The following CATSPERE variants were observed in gnomAD, a reference collection of about 807,000 sequenced individuals.
CATSPERE encodes catsper channel auxiliary subunit epsilon.
A neutral mutation model predicts 114.1 loss-of-function variants in CATSPERE; 93 were observed. That is an observed-to-expected ratio of 0.81 (90% CI 0.69 to 0.97). CATSPERE has a LOEUF of 0.97. CATSPERE is among the 50% of genes least tolerant of loss of function. The pLI is 0.00. For missense variants in CATSPERE, 1,058 were observed against 1,131.6 expected, an observed-to-expected ratio of 0.93 and a Z score of 0.93; for synonymous variants, 341 against 384.1, an observed-to-expected ratio of 0.89 and a Z score of 1.31.
At chr1:244,592,977 C>G (rs989286363) in intron 15 of CATSPERE, among the ~76,000 whole-genome samples, 8 of 128,100 alleles carry the variant, frequency 6.2e-5, no homozygotes, top group African/African-American at 2.1e-4. Flanking sequence ...CGTGAGAAAT[C>G]TAAATTAGGA....
At chr1:244,505,608 T>G (rs1674698891) in intron 7 of CATSPERE, among the ~76,000 whole-genome samples, 1 of 152,114 alleles carries the variant, frequency 6.6e-6, no homozygotes. Context: ...GAAACTAGAC[T>G]CCCACCATCT....
chr1:244,497,139 A>G (rs1376813226), intron 6 of CATSPERE, among the ~76,000 whole-genome samples: 1 of 152,224 alleles, frequency 6.6e-6, no homozygotes, highest in Non-Finnish European at 1.5e-5. Context: ...ATTAAAGAAA[A>G]CATGGAAGAA....
intron 17 of CATSPERE, among the ~76,000 whole-genome samples, chr1:244,600,204 T>C (rs1169998862): frequency 6.6e-6 from 1 of 152,070 alleles, no homozygotes; most frequent in African/African-American, 2.4e-5. Flanking sequence ...AAGAGAGAAC[T>C]GAAAGTTAGA....
At chr1:244,474,254 C>G (rs1416698482) in intron 2 of CATSPERE, among the ~76,000 whole-genome samples, 1 of 151,972 alleles carries the variant, frequency 6.6e-6, no homozygotes, top group East Asian at 1.9e-4. Flanking sequence ...AGGGTGGTCT[C>G]GAACTTGTGA....
chr1:244,613,760 T>C (rs1263704448), intron 19 of CATSPERE, among the ~76,000 whole-genome samples: 1 of 152,206 alleles, frequency 6.6e-6, no homozygotes, highest in Non-Finnish European at 1.5e-5. Context: ...TCAGTTCTGG[T>C]AGTATGTTTT....
Position 244,531,670 on chromosome 1 carries a change from G to A in CATSPERE, c.536+12972G>A, listed in dbSNP as rs151106484. Among the ~76,000 whole-genome samples, 726 of 152,206 alleles carry A rather than the reference G, an allele frequency of 4.8e-3. 7 individuals are homozygous for A. Among genetic ancestry groups the A allele is most frequent in the African/African-American group, 0.017 (693 of 41,538 alleles). ...ATGTTGAACCATCCTTGCATCCCTT[G>A]GATAAATCCCACTTGGTCATAATGA... On this transcript the variant is annotated intron_variant, in intron 8 of 21. Transcript: ENST00000366534.
intron 6 of CATSPERE, among the ~76,000 whole-genome samples, chr1:244,495,234 G>T (rs1672902814): frequency 6.6e-6 from 1 of 152,170 alleles, no homozygotes; most frequent in Admixed American, 6.6e-5. Flanking sequence ...AATTAGAACA[G>T]AATGTGAGCT....
intron 11 of CATSPERE, among the ~76,000 whole-genome samples, chr1:244,580,009 A>G: frequency 6.6e-6 from 1 of 152,218 alleles, no homozygotes; most frequent in Admixed American, 6.5e-5. Flanking sequence ...TACTGCTACC[A>G]TCACTACAAC....
chr1:244,583,883 G>A lies in CATSPERE; in HGVS notation c.2029G>A (p.Val677Met), dbSNP rs747845011. ...FETQDKHTGLVLVQFRPSEYS... is the reference protein window; with the variant it reads ...FETQDKHTGLMLVQFRPSEYS... ...TCCTAGAGACAAGCACACGGGTCTT[G>A]TGCTGGTTCAGTTTCGACCTAGTGA... is the stretch of plus-strand genomic sequence containing the variant. Residue 677 changes from valine to methionine, a missense_variant, in exon 13 of 22, where the codon GTG (valine) becomes ATG (methionine). By Grantham distance (21) the Val-to-Met change is conservative. This residue lies in a region of CATSPERE where 787 missense variants were observed against 905.6 expected (regional missense o/e 0.87). Transcript: ENST00000366534. 40 of 1,613,926 alleles carry A rather than the reference G, an allele frequency of 2.5e-5. No homozygotes were observed. Among genetic ancestry groups the A allele is most frequent in the Non-Finnish European group, 3.1e-5 (36 of 1,179,972 alleles).
At chr1:244,553,229 G>A (rs1353268497) in intron 9 of CATSPERE, among the ~76,000 whole-genome samples, 1 of 152,060 alleles carries the variant, frequency 6.6e-6, no homozygotes, top group Non-Finnish European at 1.5e-5. Context: ...CTATGTGTTG[G>A]TATCATTTCC....
chr1:244,513,119 C>T (rs543830229), intron 7 of CATSPERE, among the ~76,000 whole-genome samples: 12 of 152,128 alleles, frequency 7.9e-5, no homozygotes, highest in East Asian at 5.8e-4. Context: ...GTGTCAGGTC[C>T]GCAGGCCCCT....
chr1:244,526,250 A>G (rs967978616), intron 8 of CATSPERE, among the ~76,000 whole-genome samples: 2 of 151,988 alleles, frequency 1.3e-5, no homozygotes, highest in Non-Finnish European at 2.9e-5. Flanking sequence ...CTATGCACAA[A>G]ATACAAAAAT....
intron 13 of CATSPERE, 23 bp downstream of exon 13, chr1:244,583,962 C>G: frequency 6.2e-7 from 1 of 1,602,440 alleles, no homozygotes; most frequent in East Asian, 2.2e-5. Flanking sequence ...GGCTGAAGAC[C>G]CAAATATTTC....
At chr1:244,498,593 A>G (rs1176444257) in intron 6 of CATSPERE, among the ~76,000 whole-genome samples, 3 of 152,162 alleles carry the variant, frequency 2.0e-5, no homozygotes, top group Admixed American at 6.5e-5. Context: ...TGTCATGTCT[A>G]TTTATGGCTA....
Position 244,518,711 on chromosome 1 carries a change from T to C in CATSPERE, c.536+13T>C, listed in dbSNP as rs769577999. 3 of 1,326,274 alleles carry C rather than the reference T, an allele frequency of 2.3e-6. No individual in the cohort carries two copies. The highest frequency in any genetic ancestry group is 3.1e-6 in the Non-Finnish European group (3 of 957,918). The allele number at this position is 1,326,274 out of a possible 1,614,324, so 82.2% of individuals were successfully genotyped here. A position where few individuals can be genotyped will look rare whatever the true frequency, so the allele number is the denominator to read the frequency against. On this transcript the variant is annotated intron_variant, in intron 8 of 21. Coordinates refer to ENST00000366534, the MANE Select transcript of CATSPERE (RefSeq NM_001130957.2). Reference sequence around the variant, plus strand: ...AAATGAGAAGGGGGTATTTAATTTTTTTTAATTTTAAATATAGAAATATGA... The same window carrying C: ...AAATGAGAAGGGGGTATTTAATTTTCTTTAATTTTAAATATAGAAATATGA...
intron 20 of CATSPERE, among the ~76,000 whole-genome samples, chr1:244,631,289 TA>T (rs11386222): frequency 6.6e-6 from 1 of 151,342 alleles, no homozygotes; most frequent in African/African-American, 2.4e-5. Flanking sequence ...ATCTCTAAAA[TA>T]AAAAAAAGGG....
At chr1:244,606,200 A>G (rs1010634423) in intron 18 of CATSPERE, among the ~76,000 whole-genome samples, 1 of 151,912 alleles carries the variant, frequency 6.6e-6, no homozygotes, top group Admixed American at 6.5e-5. Context: ...CTTTGGCTTC[A>G]GTGTCCCTAC....
At chr1:244,566,376 C>T (rs1440925362) in intron 10 of CATSPERE, among the ~76,000 whole-genome samples, 4 of 152,020 alleles carry the variant, frequency 2.6e-5, no homozygotes, top group Non-Finnish European at 5.9e-5. Flanking sequence ...TCCTGGATAT[C>T]CTTGTTAATT....
intron 13 of CATSPERE, among the ~76,000 whole-genome samples, chr1:244,587,504 A>G (rs1048264910): frequency 5.9e-5 from 9 of 152,210 alleles, no homozygotes; most frequent in Admixed American, 5.2e-4. Context: ...CTGTATCCCA[A>G]AGTTGACCTA....
Sources: gnomAD v4.1 joint callset for allele counts (sites outside exome capture counted in the v4.1 genomes callset) on GRCh38, gnomAD v4.1.1 for gene constraint, gnomAD v4.1.1 regional missense constraint, MANE v1.5 for transcripts, NCBI Gene and HGNC (gene_info 2026-07-23, HGNC 2026-07-21) for gene names.